ADGRE5: variants seen among roughly 807,000 people sequenced by gnomAD.
ADGRE5 encodes adhesion G protein-coupled receptor E5.
In ADGRE5, 72 loss-of-function variants were observed where a neutral mutation model predicts 100.3. That is an observed-to-expected ratio of 0.72 (90% CI 0.59 to 0.87). ADGRE5 has a LOEUF of 0.87. ADGRE5 is among the 40% of genes least tolerant of loss of function. ADGRE5 has a pLI of 0.00. For synonymous variants in ADGRE5, 439 were observed against 447.8 expected (o/e 0.98, Z 0.25); for missense variants, 959 against 1,094.7 (o/e 0.88, Z 1.75).
intron 3 of ADGRE5, 143 bp downstream of exon 3, chr19:14,388,961 G>C: frequency 1.2e-6 from 1 of 867,628 alleles, no homozygotes; most frequent in South Asian, 1.5e-5. Context: ...AAGAGGGCAG[G>C]CGTGGTGGCT....
In ADGRE5 at chr19:14,407,245, C is replaced by CA; in HGVS notation, c.2376+17dup. On this transcript the variant is annotated intron_variant, in intron 18 of 19. Coordinates refer to ENST00000242786, the MANE Select transcript of ADGRE5 (RefSeq NM_078481.4). ...CAACAAGAAGGTGGGGGCCTGGGCA[C>CA]AGTGGCGCACGCCTGTCATCCTCCC... The CA allele has an allele frequency of 6.2e-7, 1 of 1,613,298 alleles. No individual in the cohort carries two copies.
chr19:14,395,425 G>A (rs911412322), intron 4 of ADGRE5, among the ~76,000 whole-genome samples: 2 of 152,108 alleles, frequency 1.3e-5, no homozygotes, highest in African/African-American at 2.4e-5. Context: ...ATCCTCTCCT[G>A]TAGTCAGTCC....
intron 5 of ADGRE5, 105 bp from the exon 6 acceptor site, chr19:14,396,972 G>T: frequency 7.4e-7 from 1 of 1,354,978 alleles, no homozygotes; most frequent in South Asian, 1.4e-5. Flanking sequence ...TGCAATAATG[G>T]TCTTCAGTCT....
In ADGRE5 at chr19:14,402,806, G is replaced by A. The variant is rs775651358; in HGVS notation, c.1393G>A (p.Ala465Thr). The A allele has an allele frequency of 8.1e-6, 13 of 1,613,800 alleles. No individual in the cohort carries two copies. The highest frequency in any genetic ancestry group is 2.7e-5 in the African/African-American group (2 of 74,820). The change falls in exon 12 of 20, where the codon GCC (alanine) becomes ACC (threonine). Residue 465 changes from alanine (A) to threonine (T), a missense_variant. Ala to Thr is a moderately conservative substitution (Grantham distance 58). Around this residue, in one of 6 missense-constraint regions of ADGRE5, gnomAD observed 246 missense variants for 242.2 expected, o/e 1.02. Coordinates refer to ENST00000242786, the MANE Select transcript of ADGRE5 (RefSeq NM_078481.4). ...TKELNSPILF[A>T]FSHLESSDGE... ...GGAACTCAACTCCCCCATCCTTTTC[G>A]CCTTCTCCCACCTTGAGTCCTCCGA...
chr19:14,406,997 C>G lies in ADGRE5; in HGVS notation c.2207+37C>G. 6.2e-7 allele frequency: 1 copy of G among 1,613,524 alleles called. No individual in the cohort carries two copies. Among genetic ancestry groups the G allele is most frequent in the Non-Finnish European group, 8.5e-7 (1 of 1,179,494 alleles). On this transcript the variant is annotated intron_variant, in intron 17 of 19. Transcript: ENST00000242786. The surrounding 1 kb of genome is among the most constrained non-coding windows in gnomAD (Gnocchi z 6.0). ...GGCTGGAAGGACTTGGAGGCGGGGCCGGGGTGAGGGGCATGAAGCTGGAGG... is the reference window on the plus strand; with the variant it reads ...GGCTGGAAGGACTTGGAGGCGGGGCGGGGGTGAGGGGCATGAAGCTGGAGG...
At position 14,401,681 on chromosome 19, in the gene ADGRE5, G is replaced by A. The variant is rs1262545425; in HGVS notation, c.1104G>A (p.Gly368=). The A allele has an allele frequency of 1.3e-6, 2 of 1,592,496 alleles. No individual in the cohort carries two copies. The highest frequency in any genetic ancestry group is 1.1e-5 in the South Asian group (1 of 87,806). The change falls in exon 11 of 20, where the codon GGG becomes GGA. Residue 368 remains glycine (G), a synonymous_variant. Coordinates refer to ENST00000242786, the MANE Select transcript of ADGRE5 (RefSeq NM_078481.4). This position sits in a 1 kb window ranked among gnomAD's most constrained non-coding sequence, Gnocchi z 4.1. Reference sequence around the variant, plus strand: ...TGACCCTGATGATCCAGGAGCGGGGGGACAAGAACGTCACTATGGGTCAGA... The same window carrying A: ...TGACCCTGATGATCCAGGAGCGGGGAGACAAGAACGTCACTATGGGTCAGA... ...TELTLMIQER[G]DKNVTMGQSS...
At chr19:14,403,529 T>G (rs1048766678) in intron 12 of ADGRE5, among the ~76,000 whole-genome samples, 11 of 152,122 alleles carry the variant, frequency 7.2e-5, no homozygotes, top group African/African-American at 2.7e-4. Context: ...ATTTTTTTAT[T>G]TTTGATAGAG....
rs146877232 is a variant in ADGRE5 at position 14,402,601 on chromosome 19, C to T, written c.1188C>T (p.Pro396=). ...AVAAGAEDPG[P]AVAGILSIQN... ...GCGAGTGTGTCTGTTCCCCAGGCCC[C>T]GCCGTGGCGGGCATCCTCTCCATCC... Residue 396 remains proline, a synonymous_variant, in exon 12 of 20, where the codon CCC becomes CCT. Coordinates refer to ENST00000242786, the MANE Select transcript of ADGRE5 (RefSeq NM_078481.4). 1,872 of 1,614,028 alleles carry T rather than the reference C, an allele frequency of 1.2e-3. No homozygotes were observed. Among genetic ancestry groups the T allele is most frequent in the Non-Finnish European group, 1.4e-3 (1,646 of 1,179,986 alleles).
rs762652938 is a variant in ADGRE5, at chr19:14,406,817, C to T, written c.2115+51C>T. 1.2e-6 allele frequency: 2 copies of T among 1,610,362 alleles called. No homozygotes were observed. Among genetic ancestry groups the T allele is most frequent in the Non-Finnish European group, 1.7e-6 (2 of 1,176,526 alleles). ...AAGCCCGAGCGCCACAGGCCCAGGC[C>T]CGGCTGGACCATCGCTCTCGCCCTC... is the stretch of plus-strand genomic sequence containing the variant. On this transcript the variant is annotated intron_variant, in intron 16 of 19. Coordinates refer to ENST00000242786, the MANE Select transcript of ADGRE5 (RefSeq NM_078481.4). This position sits in a 1 kb window ranked among gnomAD's most constrained non-coding sequence, Gnocchi z 6.0.
chr19:14,403,669 A>C (rs888780003), intron 12 of ADGRE5, among the ~76,000 whole-genome samples: 1 of 151,940 alleles, frequency 6.6e-6, no homozygotes, highest in Non-Finnish European at 1.5e-5. Context: ...AAAACAAAAA[A>C]ATTAATGGAG....
chr19:14,390,225 C>A (rs1263883507), intron 3 of ADGRE5, among the ~76,000 whole-genome samples: 1 of 151,566 alleles, frequency 6.6e-6, no homozygotes, highest in South Asian at 2.1e-4. Context: ...GCATGGCTTC[C>A]TGGAGAGAGA....
chr19:14,391,570 C>CAAA, intron 4 of ADGRE5: 1 of 143,820 alleles, frequency 7.0e-6, no homozygotes, highest in Non-Finnish European at 1.5e-5. Flanking sequence ...CAAAAAATAC[C>CAAA]AAAAAAAAAA....
rs149991001 is a variant in ADGRE5, at chr19:14,401,716, G to A, written c.1139G>A (p.Arg380His). 8 of 1,578,870 alleles carry A rather than the reference G, an allele frequency of 5.1e-6. No individual in the cohort carries two copies. The highest frequency in any genetic ancestry group is 1.7e-4 in the Middle Eastern group (1 of 5,916). Residue 380 changes from arginine to histidine, a missense_variant, in exon 11 of 20, where the codon CGC (arginine) becomes CAC (histidine). Arg to His is a conservative substitution (Grantham distance 29). This residue lies in a region of ADGRE5 where 246 missense variants were observed against 242.2 expected (regional missense o/e 1.02). Coordinates refer to ENST00000242786, the MANE Select transcript of ADGRE5 (RefSeq NM_078481.4). This position sits in a 1 kb window ranked among gnomAD's most constrained non-coding sequence, Gnocchi z 4.1. The stretch of plus-strand genomic sequence containing the variant: ...GTCACTATGGGTCAGAGCAGCGCAC[G>A]CATGAAGCTGAATTGGGCTGTGGCA... Reference protein sequence around the residue: ...KNVTMGQSSARMKLNWAVAAG... With the variant: ...KNVTMGQSSAHMKLNWAVAAG...
intron 2 of ADGRE5, 82 bp from the exon 3 acceptor site, chr19:14,388,620 G>C: frequency 6.2e-7 from 1 of 1,608,742 alleles, no homozygotes; most frequent in Non-Finnish European, 8.5e-7. Context: ...GAAACTCAGC[G>C]CCCTGCCCCA....
At position 14,388,264 on chromosome 19, in the gene ADGRE5, G is replaced by A. The variant is rs1383879283; in HGVS notation, c.23-186G>A. 2.6e-5 allele frequency among the ~76,000 whole-genome samples: 4 copies of A among 151,410 alleles called. No individual in the cohort carries two copies. In the East Asian group the frequency reaches 7.7e-4, roughly 29 times the overall value. On this transcript the variant is annotated intron_variant, in intron 1 of 19. Coordinates refer to ENST00000242786, the MANE Select transcript of ADGRE5 (RefSeq NM_078481.4). ...AAAAACAAAAAAACCCGCCCCTATG[G>A]GAACAGGGTGACAGACTCTTTGGCT...
chr19:14,407,850 A>G, intron 18 of ADGRE5, 58 bp from the exon 19 acceptor site: 1 of 1,399,904 alleles, frequency 7.1e-7, no homozygotes, highest in South Asian at 1.2e-5. Context: ...GAGCATGGGG[A>G]GGAGCGTGCA....
At chr19:14,388,326 T>A (rs1196023226) in intron 1 of ADGRE5, 124 bp from the exon 2 acceptor site, 84 of 1,522,444 alleles carry the variant, frequency 5.5e-5, no homozygotes, top group Non-Finnish European at 7.5e-5. Flanking sequence ...CTGCTCACTC[T>A]GAACGACCGT....
At chr19:14,403,991 C>T (rs888824525) in intron 12 of ADGRE5, among the ~76,000 whole-genome samples, 2 of 151,490 alleles carry the variant, frequency 1.3e-5, no homozygotes, top group East Asian at 3.9e-4. Flanking sequence ...ATTCTCCTGC[C>T]CAGGACTCCC....
At position 14,406,214 on chromosome 19, in the gene ADGRE5, C is replaced by A; in HGVS notation, c.1822-117C>A. The A allele has an allele frequency of 1.2e-6, 1 of 858,680 alleles. No individual in the cohort carries two copies. The highest frequency in any genetic ancestry group is 1.8e-6 in the Non-Finnish European group (1 of 570,926). 53.2% of individuals were successfully genotyped at this position (858,680 alleles called of 1,614,324 possible). On this transcript the variant is annotated intron_variant, in intron 14 of 19. Coordinates refer to ENST00000242786, the MANE Select transcript of ADGRE5 (RefSeq NM_078481.4). The surrounding 1 kb of genome is among the most constrained non-coding windows in gnomAD (Gnocchi z 6.0). Reference sequence around the variant, plus strand: ...GGAAACCTGGCCCCCGCTCCAGACCCGCCCACCCTCCGGCTGTGGTCCCGC... The same window carrying A: ...GGAAACCTGGCCCCCGCTCCAGACCAGCCCACCCTCCGGCTGTGGTCCCGC...
Sources: gnomAD v4.1 joint callset for allele counts (sites outside exome capture counted in the v4.1 genomes callset) on GRCh38, gnomAD v4.1.1 for gene constraint, gnomAD v4.1.1 regional missense constraint, Gnocchi (gnomAD v3.1) non-coding constraint, MANE v1.5 for transcripts, NCBI Gene and HGNC (gene_info 2026-07-23, HGNC 2026-07-21) for gene names.